CCDC144A: variants seen among roughly 807,000 people sequenced by gnomAD.
CCDC144A encodes the protein coiled-coil domain-containing protein 144A.
Under a neutral mutation model 143.8 loss-of-function variants are expected in CCDC144A, and 41 were observed. That is an observed-to-expected ratio of 0.29 (90% CI 0.22 to 0.37). CCDC144A has a LOEUF of 0.37. CCDC144A is among the 10% of genes least tolerant of loss of function. CCDC144A has a pLI of 1.00. For synonymous variants in CCDC144A, 242 were observed against 517.9 expected (o/e 0.47, Z 7.23); for missense variants, 637 against 1,488.8 (o/e 0.43, Z 9.41).
intron 2 of CCDC144A, among the ~76,000 whole-genome samples, chr17:16,695,056 AT>A (rs1911318252): frequency 6.6e-6 from 1 of 152,256 alleles, no homozygotes; most frequent in Non-Finnish European, 1.5e-5. Flanking sequence ...GTACATGTTA[AT>A]CAAAGAACTT....
chr17:16,729,939 A>G (rs576237525), intron 9 of CCDC144A, among the ~76,000 whole-genome samples: 2 of 136,320 alleles, frequency 1.5e-5, no homozygotes, highest in East Asian at 2.1e-4. Flanking sequence ...TGAGTAGTAC[A>G]TATTGTACCT....
chr17:16,709,156 C>A lies in CCDC144A; in HGVS notation c.1099C>A (p.Pro367Thr). 1 of 1,611,632 alleles carries A rather than the reference C, an allele frequency of 6.2e-7. No homozygotes were observed. The highest frequency in any genetic ancestry group is 8.5e-7 in the Non-Finnish European group (1 of 1,179,650). Residue 367 changes from proline (P) to threonine (T), a missense_variant, in exon 5 of 17, where the codon CCC (proline) becomes ACC (threonine). By Grantham distance (38) the Pro-to-Thr change is conservative. Transcript: ENST00000399273. ...CGAGACATTTCCTGAACAAAAAGAA[C>A]CCAGTCTCAAAAATATCATCCATCC... ...VFETFPEQKE[P>T]SLKNIIHPYY...
intron 2 of CCDC144A, among the ~76,000 whole-genome samples, chr17:16,700,488 G>A (rs1398277684): frequency 2.0e-5 from 3 of 151,946 alleles, no homozygotes; most frequent in South Asian, 2.1e-4. Context: ...TCTAAGTTAG[G>A]GAATGCTGGG....
the CCDC144A span, among the ~76,000 whole-genome samples, chr17:16,680,630 AG>A: frequency 7.2e-6 from 1 of 139,066 alleles, no homozygotes; most frequent in Non-Finnish European, 1.6e-5. Context: ...GAGGGAAGGA[AG>A]GAAGAAAGGG....
chr17:16,735,793 G>A (rs1597570476), intron 12 of CCDC144A, 150 bp downstream of exon 12: 1 of 672,420 alleles, frequency 1.5e-6, no homozygotes, highest in Admixed American at 3.0e-5. Flanking sequence ...ATGTACCAGT[G>A]AAAAAGAAGT....
At chr17:16,712,755 T>C (rs1912526700) in intron 6 of CCDC144A, among the ~76,000 whole-genome samples, 1 of 152,216 alleles carries the variant, frequency 6.6e-6, no homozygotes, top group Admixed American at 6.5e-5. Flanking sequence ...GAAAATAATG[T>C]AGCATGCACT....
chr17:16,741,902 C>G (rs1199053559), intron 12 of CCDC144A, among the ~76,000 whole-genome samples: 2 of 152,092 alleles, frequency 1.3e-5, no homozygotes, highest in Non-Finnish European at 2.9e-5. Context: ...TGTGAACTTT[C>G]AAAATCCTCC....
chr17:16,752,243 T>C (rs2621516), intron 12 of CCDC144A, among the ~76,000 whole-genome samples: 30 of 152,090 alleles, frequency 2.0e-4, no homozygotes, highest in South Asian at 4.2e-4. Flanking sequence ...ACGTGAGGGA[T>C]CTAGGTTGCG....
chr17:16,741,619 G>A (rs1024986129), intron 12 of CCDC144A, among the ~76,000 whole-genome samples: 7 of 149,668 alleles, frequency 4.7e-5, no homozygotes, highest in Non-Finnish European at 1.1e-4. Flanking sequence ...TTTTATTGAT[G>A]TATTTTTTTT....
At chr17:16,738,884 G>T (rs1183769381) in intron 12 of CCDC144A, among the ~76,000 whole-genome samples, 2 of 152,036 alleles carry the variant, frequency 1.3e-5, no homozygotes, top group African/African-American at 4.8e-5. Context: ...TTTCCAAAGT[G>T]GTTGCACCAT....
At chr17:16,772,073 A>T (rs931215315) in intron 16 of CCDC144A, 54 bp downstream of exon 16, 1 of 1,307,446 alleles carries the variant, frequency 7.6e-7, no homozygotes, top group African/African-American at 1.5e-5. Context: ...TATATCTGAA[A>T]TAAACTGCAA....
At chr17:16,708,006 G>A (rs561146639) in intron 4 of CCDC144A, among the ~76,000 whole-genome samples, 2 of 151,886 alleles carry the variant, frequency 1.3e-5, no homozygotes, top group Admixed American at 6.6e-5. Flanking sequence ...TTGACTTCAC[G>A]GTCTACATTC....
chr17:16,755,309 A>G (rs1402200285), intron 12 of CCDC144A, among the ~76,000 whole-genome samples: 10 of 152,104 alleles, frequency 6.6e-5, no homozygotes, highest in Non-Finnish European at 1.3e-4. Context: ...ATTTGTTCCT[A>G]TCTTCCTCTT....
intron 12 of CCDC144A, among the ~76,000 whole-genome samples, chr17:16,759,997 G>A (rs1403535741): frequency 2.6e-5 from 4 of 152,218 alleles, no homozygotes; most frequent in African/African-American, 7.2e-5. Flanking sequence ...TGCGGCATTC[G>A]AAGCTGGCTT....
At chr17:16,713,874 G>A (rs908208443) in intron 6 of CCDC144A, among the ~76,000 whole-genome samples, 56 of 152,208 alleles carry the variant, frequency 3.7e-4, no homozygotes, top group African/African-American at 1.3e-3. Context: ...TTGAAAGAGT[G>A]GTATATACTC....
chr17:16,748,104 G>A (rs937898008), intron 12 of CCDC144A, among the ~76,000 whole-genome samples: 4 of 152,094 alleles, frequency 2.6e-5, no homozygotes, highest in African/African-American at 4.8e-5. Flanking sequence ...CCTGGTCTCA[G>A]ACTCCTGGCC....
the CCDC144A span, among the ~76,000 whole-genome samples, chr17:16,676,427 T>A: frequency 6.7e-6 from 1 of 150,122 alleles, no homozygotes; most frequent in East Asian, 2.0e-4. Flanking sequence ...AGGAGAATGG[T>A]GTGAACCTGG....
At chr17:16,667,449 T>C in the CCDC144A span, among the ~76,000 whole-genome samples, 10,848 of 147,132 alleles carry the variant, frequency 0.074, 534 homozygotes, top group Middle Eastern at 0.2. Context: ...GGGGCTGAGG[T>C]GGCTCAGGGG....
intron 12 of CCDC144A, among the ~76,000 whole-genome samples, chr17:16,738,889 C>T (rs1482419655): frequency 6.6e-6 from 1 of 152,090 alleles, no homozygotes; most frequent in Admixed American, 6.5e-5. Context: ...AAAGTGGTTG[C>T]ACCATTTTAC....
Sources: allele counts gnomAD v4.1 joint callset (sites outside exome capture counted in the v4.1 genomes callset), GRCh38; gene constraint gnomAD v4.1.1; transcripts MANE v1.5; gene names NCBI Gene and HGNC (gene_info 2026-07-23, HGNC 2026-07-21).